ROR2: variants seen among roughly 807,000 people sequenced by gnomAD.
ROR2 encodes tyrosine-protein kinase transmembrane receptor ROR2.
ROR2 carries 33 observed loss-of-function variants against 74.9 expected under a neutral mutation model. That is an observed-to-expected ratio of 0.44 (90% CI 0.33 to 0.59). ROR2 has a LOEUF of 0.59. Ranked by LOEUF, ROR2 falls within the 20% of genes least tolerant of loss-of-function variation. The pLI is 0.02. For synonymous variants in ROR2, 586 were observed against 558.7 expected, an observed-to-expected ratio of 1.05 and a Z score of -0.69; for missense variants, 1,216 against 1,313.8, an observed-to-expected ratio of 0.93 and a Z score of 1.15.
At chr9:91,849,288 G>A (rs1259031726) in intron 1 of ROR2, among the ~76,000 whole-genome samples, 1 of 152,200 alleles carries the variant, frequency 6.6e-6, no homozygotes, top group Middle Eastern at 3.2e-3. Flanking sequence ...ATCAATCCAG[G>A]GGTGAGGAAA....
rs573758753 is a variant in ROR2, at chr9:91,882,843, G to A, written c.97+67024C>T. Among the ~76,000 whole-genome samples, 28 of 152,282 alleles carry A rather than the reference G, an allele frequency of 1.8e-4. No individual in the cohort carries two copies. The South Asian group carries it at 5.8e-3, about 32-fold the overall frequency. ...CTGCCAGCCAAGGAGAAAGGCAGGA[G>A]AAGTCACCCCTGCTGACACCTGATC... On this transcript the variant is annotated intron_variant, in intron 1 of 8. Transcript: ENST00000375708.
At chr9:91,754,472 C>T (rs1026472459) in intron 4 of ROR2, among the ~76,000 whole-genome samples, 1 of 151,996 alleles carries the variant, frequency 6.6e-6, no homozygotes, top group Admixed American at 6.6e-5. Flanking sequence ...GTCTGGCCAA[C>T]ATGGTGAAAC....
Position 91,835,688 on chromosome 9 carries a change from G to T in ROR2, c.98-59870C>A, listed in dbSNP as rs548365512. Among the ~76,000 whole-genome samples, 36 of 152,328 alleles carry T rather than the reference G, an allele frequency of 2.4e-4. No individual in the cohort carries two copies. The South Asian group carries it at 7.5e-3, about 32-fold the overall frequency. On this transcript the variant is annotated intron_variant, in intron 1 of 8. Coordinates refer to ENST00000375708, the MANE Select transcript of ROR2 (RefSeq NM_004560.4). The stretch of plus-strand genomic sequence containing the variant: ...CATTAAAATGAACTAAATCTCTCCA[G>T]GAAGACCAGCAGGGGTGGGAGGGAA...
chr9:91,869,848 CTTTT>C (rs1829745203), intron 1 of ROR2, among the ~76,000 whole-genome samples: 1 of 152,108 alleles, frequency 6.6e-6, no homozygotes, highest in African/African-American at 2.4e-5. Flanking sequence ...TCCTCAGGAA[CTTTT>C]TTAAGAAGAA....
At chr9:91,839,240 G>T (rs974962787) in intron 1 of ROR2, among the ~76,000 whole-genome samples, 1 of 149,534 alleles carries the variant, frequency 6.7e-6, no homozygotes, top group Non-Finnish European at 1.5e-5. Context: ...TCCTGGTGCT[G>T]TCAGATCGGG....
chr9:91,865,332 T>C (rs1159473387), intron 1 of ROR2, among the ~76,000 whole-genome samples: 2 of 152,190 alleles, frequency 1.3e-5, no homozygotes, highest in Admixed American at 6.5e-5. Context: ...AGTCTCCAGA[T>C]TAGAGACACT....
At chr9:91,752,627 T>C (rs1365836790) in intron 4 of ROR2, among the ~76,000 whole-genome samples, 1 of 152,198 alleles carries the variant, frequency 6.6e-6, no homozygotes, top group Non-Finnish European at 1.5e-5. Flanking sequence ...GTGACAGAGA[T>C]TCTGTATCTG....
intron 1 of ROR2, among the ~76,000 whole-genome samples, chr9:91,851,469 A>G (rs1001571403): frequency 6.6e-6 from 1 of 152,180 alleles, no homozygotes; most frequent in East Asian, 1.9e-4. Context: ...AATTATGACA[A>G]TACATTTTGA....
chr9:91,949,892 A>C lies in ROR2; in HGVS notation c.72T>G (p.Leu24=). The C allele has an allele frequency of 1.9e-6, 3 of 1,541,026 alleles. No homozygotes were observed. The part of the protein sequence containing the change: ...CIPAVWAAAA[L]LLSVSRTSGE... ...CTGAAGTCCGGGACACTGAGAGCAGAAGCGCGGCGGCCGCCCAGACGGCCG... is the reference window on the plus strand; with the variant it reads ...CTGAAGTCCGGGACACTGAGAGCAGCAGCGCGGCGGCCGCCCAGACGGCCG... Residue 24 remains leucine (L), a synonymous_variant, in exon 1 of 9, where the codon CTT becomes CTG. Transcript: ENST00000375708.
chr9:91,827,827 A>G (rs1248237369), intron 1 of ROR2, among the ~76,000 whole-genome samples: 1 of 152,278 alleles, frequency 6.6e-6, no homozygotes, highest in East Asian at 1.9e-4. Flanking sequence ...AAATTGTTAT[A>G]ACAACCATAG....
At chr9:91,741,304 G>GTAGTAATAATAA (rs374035845) in intron 4 of ROR2, among the ~76,000 whole-genome samples, 3 of 135,604 alleles carry the variant, frequency 2.2e-5, no homozygotes, top group African/African-American at 5.6e-5. Flanking sequence ...GTCTCAAGTA[G>GTAGTAATAATAA]TAATAATAAT....
At chr9:91,835,751 T>C (rs1021578222) in intron 1 of ROR2, among the ~76,000 whole-genome samples, 3 of 152,128 alleles carry the variant, frequency 2.0e-5, no homozygotes, top group African/African-American at 7.2e-5. Flanking sequence ...GGCGGAAGGG[T>C]GCACCTGTGG....
intron 1 of ROR2, among the ~76,000 whole-genome samples, chr9:91,832,853 G>A (rs12685556): frequency 0.012 from 1,759 of 152,238 alleles, 31 homozygotes; most frequent in African/African-American, 0.037. Context: ...GAAATACAAC[G>A]TCCATCTTGG....
At chr9:91,854,966 T>C (rs1364610686) in intron 1 of ROR2, among the ~76,000 whole-genome samples, 1 of 152,178 alleles carries the variant, frequency 6.6e-6, no homozygotes, top group Non-Finnish European at 1.5e-5. Flanking sequence ...TCCAATATTT[T>C]AGTAAAGGCA....
intron 2 of ROR2, among the ~76,000 whole-genome samples, chr9:91,761,262 G>A (rs1353676835): frequency 6.6e-6 from 1 of 152,224 alleles, no homozygotes; most frequent in Non-Finnish European, 1.5e-5. Flanking sequence ...TCTCATGGAA[G>A]ATAATCTTTC....
Position 91,852,662 on chromosome 9 carries a change from A to G in ROR2, c.98-76844T>C, listed in dbSNP as rs1167849600. On this transcript the variant is annotated intron_variant, in intron 1 of 8. Coordinates refer to ENST00000375708, the MANE Select transcript of ROR2 (RefSeq NM_004560.4). ...ACACACACACACACCCACACACACAATGTAAGTCCATAAGAAGTCGGTAAA... is the reference window on the plus strand; with the variant it reads ...ACACACACACACACCCACACACACAGTGTAAGTCCATAAGAAGTCGGTAAA... Among the ~76,000 whole-genome samples, 10 of 90,788 alleles carry G rather than the reference A, an allele frequency of 1.1e-4. No individual in the cohort carries two copies. In the South Asian group the frequency reaches 3.4e-3, roughly 31 times the overall value. The allele number at this position is 90,788 out of a possible 152,430, so 59.6% of individuals were successfully genotyped here.
At chr9:91,730,816 G>C in intron 7 of ROR2, 94 bp downstream of exon 7, 1 of 1,557,492 alleles carries the variant, frequency 6.4e-7, no homozygotes, top group Non-Finnish European at 8.8e-7. Flanking sequence ...CCACCGTACA[G>C]AGGCACACCC....
chr9:91,945,316 T>G lies in ROR2; in HGVS notation c.97+4551A>C, dbSNP rs536263930. Among the ~76,000 whole-genome samples, 18 of 152,272 alleles carry G rather than the reference T, an allele frequency of 1.2e-4. No homozygotes were observed. The South Asian group carries it at 3.7e-3, about 32-fold the overall frequency. ...CACAGCACAAGCCTACAATGAGGAG[T>G]TCAGGCCTAAACATTTCCTTATTTT... On this transcript the variant is annotated intron_variant, in intron 1 of 8. Coordinates refer to ENST00000375708, the MANE Select transcript of ROR2 (RefSeq NM_004560.4).
At chr9:91,923,055 T>A (rs780909591) in intron 1 of ROR2, among the ~76,000 whole-genome samples, 2 of 152,134 alleles carry the variant, frequency 1.3e-5, no homozygotes, top group Non-Finnish European at 2.9e-5. Context: ...TGCCAAAGAA[T>A]AGATGTCTGT....
Sources: allele counts gnomAD v4.1 joint callset (sites outside exome capture counted in the v4.1 genomes callset), GRCh38; gene constraint gnomAD v4.1.1; transcripts MANE v1.5; gene names NCBI Gene and HGNC (gene_info 2026-07-23, HGNC 2026-07-21).